Variants in DNAH14 observed in about 807,000 individuals in gnomAD.
The protein encoded by DNAH14 is axonemal beta dynein heavy chain 14.
A neutral mutation model predicts 520.9 loss-of-function variants in DNAH14; 478 were observed. That is an observed-to-expected ratio of 0.92 (90% CI 0.85 to 0.99). The LOEUF is 0.99. DNAH14 is among the 50% of genes least tolerant of loss of function. The pLI is 0.00. For missense variants in DNAH14, 4,831 were observed against 5,234.5 expected, an observed-to-expected ratio of 0.92 and a Z score of 2.38; for synonymous variants, 1,581 against 1,757.2, an observed-to-expected ratio of 0.90 and a Z score of 2.51.
In DNAH14 at chr1:225,159,324, GAC is replaced by G; in HGVS notation, c.5286_5287del (p.Asp1762GlufsTer4). ...KKREFKCDTS[D>X]SLSEADETLI... is the part of the protein sequence containing the mutation. ...CTTCTACCATTGAAGTGATACCAGT[GAC>G]AGTCTTTCTGAAGCAGATGAAACCT... On this transcript the variant is annotated frameshift_variant, in exon 35 of 86. Coordinates refer to ENST00000682510, the MANE Select transcript of DNAH14 (RefSeq NM_001367479.1). LOFTEE classifies it high-confidence loss of function. 6.4e-7 allele frequency: 1 copy of G among 1,551,154 alleles called. No homozygotes were observed. The highest frequency in any genetic ancestry group is 8.7e-7 in the Non-Finnish European group (1 of 1,146,722).
At chr1:224,929,914 A>C (rs1267816533) in intron 1 of DNAH14, 79 bp downstream of exon 1, 1 of 581,808 alleles carries the variant, frequency 1.7e-6, no homozygotes, top group Non-Finnish European at 3.0e-6. Context: ...CCGGTGTCGC[A>C]CTGGGAGGGC....
intron 9 of DNAH14, among the ~76,000 whole-genome samples, chr1:225,004,057 A>C (rs1373615367): frequency 6.6e-6 from 1 of 152,138 alleles, no homozygotes. Flanking sequence ...AGGCCATGTC[A>C]GCTTTAATAT....
At position 225,374,784 on chromosome 1, in the gene DNAH14, C is replaced by T. The variant is rs1281106653; in HGVS notation, c.12415C>T (p.Arg4139Trp). Reference protein sequence around the residue: ...YLIGEVIYGGRVIDNWDKRCL... With the variant: ...YLIGEVIYGGWVIDNWDKRCL... ...GATTGGAGAAGTGATTTACGGTGGC[C>T]GGGTGATTGATAATTGGGACAAGCG... Residue 4139 changes from arginine to tryptophan, a missense_variant, in exon 78 of 86, where the codon CGG (arginine) becomes TGG (tryptophan). Transcript: ENST00000682510. 3.9e-6 allele frequency: 6 copies of T among 1,551,306 alleles called. No individual in the cohort carries two copies. Among genetic ancestry groups the T allele is most frequent in the Non-Finnish European group, 4.4e-6 (5 of 1,146,940 alleles).
At chr1:224,934,929 G>A (rs1469893260) in intron 1 of DNAH14, among the ~76,000 whole-genome samples, 1 of 151,610 alleles carries the variant, frequency 6.6e-6, no homozygotes, top group African/African-American at 2.4e-5. Flanking sequence ...CTAAAATGAA[G>A]TGAAGGAGAA....
At position 225,309,352 on chromosome 1, in the gene DNAH14, C is replaced by A. The variant is rs2094311021; in HGVS notation, c.9240+942C>A. ...TCTTTCAGACATCTTTTTAAGCTAC[C>A]TGCCCATGTTTTAGGAGCTGACATT... On this transcript the variant is annotated intron_variant, in intron 60 of 85. Coordinates refer to ENST00000682510, the MANE Select transcript of DNAH14 (RefSeq NM_001367479.1). 2.9e-5 allele frequency among the ~76,000 whole-genome samples: 3 copies of A among 101,870 alleles called. No homozygotes were observed. In the South Asian group the frequency reaches 1.2e-3, roughly 40 times the overall value. 66.8% of individuals were successfully genotyped at this position (101,870 alleles called of 152,430 possible).
intron 5 of DNAH14, among the ~76,000 whole-genome samples, chr1:224,965,606 A>T (rs2125589348): frequency 6.6e-6 from 1 of 152,276 alleles, no homozygotes; most frequent in East Asian, 1.9e-4. Flanking sequence ...TACCATGAAG[A>T]TAAATCATCT....
intron 8 of DNAH14, among the ~76,000 whole-genome samples, chr1:224,984,443 A>C (rs2062482426): frequency 6.6e-6 from 1 of 152,220 alleles, no homozygotes; most frequent in Non-Finnish European, 1.5e-5. Context: ...AAAATTCCAG[A>C]AGATAACATT....
chr1:224,929,973 G>A (rs778358092), intron 1 of DNAH14, 138 bp downstream of exon 1: 7 of 510,904 alleles, frequency 1.4e-5, no homozygotes, highest in Admixed American at 8.2e-5. Context: ...TGCTGTGGGA[G>A]CGCCTCCGAG....
chr1:225,074,149 G>A (rs1347331550), intron 17 of DNAH14, among the ~76,000 whole-genome samples: 3 of 151,354 alleles, frequency 2.0e-5, no homozygotes, highest in Admixed American at 1.3e-4. Flanking sequence ...ACAGGCGCCC[G>A]CCACTACGCC....
rs2091207979 is a variant in DNAH14 at position 225,232,291 on chromosome 1, A to G, written c.6518+1140A>G. Among the ~76,000 whole-genome samples, 1 of 152,030 alleles carries G rather than the reference A, an allele frequency of 6.6e-6. No individual in the cohort carries two copies. The highest frequency in any genetic ancestry group is 1.5e-5 in the Non-Finnish European group (1 of 67,998). ...GTGATATATATATATACACACACAC[A>G]CACACACACGTGTATCACAGGTTAT... On this transcript the variant is annotated intron_variant, in intron 42 of 85. Transcript: ENST00000682510. The surrounding 1 kb of genome is among the most constrained non-coding windows in gnomAD (Gnocchi z 4.2).
chr1:224,956,087 T>C (rs2060492594), intron 3 of DNAH14, among the ~76,000 whole-genome samples: 1 of 152,172 alleles, frequency 6.6e-6, no homozygotes, highest in Non-Finnish European at 1.5e-5. Flanking sequence ...TGACCACTTA[T>C]TTCCATTTTT....
At chr1:225,179,557 A>G (rs916952792) in intron 36 of DNAH14, among the ~76,000 whole-genome samples, 24 of 152,226 alleles carry the variant, frequency 1.6e-4, no homozygotes, top group African/African-American at 5.8e-4. Flanking sequence ...ACATCTTTTT[A>G]TATTGTCTAT....
intron 29 of DNAH14, 95 bp from the exon 30 acceptor site, chr1:225,145,231 C>A: frequency 2.0e-6 from 2 of 1,011,762 alleles, no homozygotes; most frequent in South Asian, 1.9e-5. Flanking sequence ...AAAGTTTTCT[C>A]AAAAGCATAA....
intron 27 of DNAH14, among the ~76,000 whole-genome samples, chr1:225,134,197 C>T (rs2078744269): frequency 6.6e-6 from 1 of 152,096 alleles, no homozygotes; most frequent in South Asian, 2.1e-4. Flanking sequence ...CTCCTTTCTT[C>T]CTATTTGAAT....
Position 225,080,642 on chromosome 1 carries a change from G to A in DNAH14, c.3030G>A (p.Lys1010=), listed in dbSNP as rs1196019739. ...TATGGGAAGCACAAGAGGAGTGGAA[G>A]CGAGCCTCTTGGGAATGGAGGAATA... ...KKLWEAQEEW[K]RASWEWRNSS... The change falls in exon 19 of 86, where the codon AAG becomes AAA. Residue 1010 remains lysine, a synonymous_variant. Transcript: ENST00000682510. 6.4e-7 allele frequency: 1 copy of A among 1,551,860 alleles called. No homozygotes were observed. Among genetic ancestry groups the A allele is most frequent in the Non-Finnish European group, 8.7e-7 (1 of 1,146,978 alleles).
chr1:225,094,791 T>C (rs1012973221), intron 21 of DNAH14, among the ~76,000 whole-genome samples: 1 of 135,104 alleles, frequency 7.4e-6, no homozygotes, highest in Non-Finnish European at 1.6e-5. Context: ...ATCCAGAATC[T>C]ATAAGGAACT....
intron 10 of DNAH14, among the ~76,000 whole-genome samples, 167 bp from the exon 11 acceptor site, chr1:225,023,448 G>A (rs1572534370): frequency 7.1e-6 from 1 of 140,532 alleles, no homozygotes; most frequent in Admixed American, 7.1e-5. Flanking sequence ...TAATTTATCT[G>A]TTGCTTTTTA....
chr1:225,084,819 G>T (rs2073567248), intron 20 of DNAH14, among the ~76,000 whole-genome samples: 1 of 14,954 alleles, frequency 6.7e-5, no homozygotes, highest in African/African-American at 8.0e-5. Context: ...CTGAAATTTT[G>T]CTTTACACAT....
At chr1:225,341,605 G>A (rs2095181984) in intron 69 of DNAH14, among the ~76,000 whole-genome samples, 1 of 152,226 alleles carries the variant, frequency 6.6e-6, no homozygotes, top group Non-Finnish European at 1.5e-5. Context: ...GATGGAGGTT[G>A]CGGTGAGTCA....
Sources: allele counts gnomAD v4.1 joint callset (sites outside exome capture counted in the v4.1 genomes callset), GRCh38; gene constraint gnomAD v4.1.1; non-coding constraint Gnocchi (gnomAD v3.1); transcripts MANE v1.5; gene names NCBI Gene and HGNC (gene_info 2026-07-23, HGNC 2026-07-21).